Variants in UBR1 observed in about 807,000 individuals in gnomAD.
UBR1 encodes the protein ubiquitin protein ligase E3 component n-recognin 1.
UBR1 carries 102 observed loss-of-function variants against 242.1 expected under a neutral mutation model. That is an observed-to-expected ratio of 0.42 (90% CI 0.36 to 0.50). UBR1 has a LOEUF of 0.50. UBR1 is among the 20% of genes least tolerant of loss of function. UBR1 has a pLI of 0.01. For synonymous variants in UBR1, 675 were observed against 684.8 expected (o/e 0.99, Z 0.22); for missense variants, 1,772 against 2,101.8 (o/e 0.84, Z 3.07).
At chr15:43,009,255 C>T (rs1461568769) in intron 29 of UBR1, among the ~76,000 whole-genome samples, 1 of 152,254 alleles carries the variant, frequency 6.6e-6, no homozygotes, top group African/African-American at 2.4e-5. Context: ...CCACCATATT[C>T]CCCTTGTCCA....
intron 30 of UBR1, among the ~76,000 whole-genome samples, 193 bp downstream of exon 30, chr15:43,006,886 A>C (rs1244748741): frequency 6.6e-6 from 1 of 152,246 alleles, no homozygotes; most frequent in Non-Finnish European, 1.5e-5. Context: ...AATTGAAGAC[A>C]TTTTGAGAAC....
At chr15:43,013,280 A>G (rs1342832517) in intron 29 of UBR1, among the ~76,000 whole-genome samples, 1 of 152,188 alleles carries the variant, frequency 6.6e-6, no homozygotes, top group African/African-American at 2.4e-5. Flanking sequence ...TCAATATTTT[A>G]AATTTCTTGG....
At chr15:42,982,015 C>T (rs2032386494) in intron 37 of UBR1, among the ~76,000 whole-genome samples, 1 of 152,186 alleles carries the variant, frequency 6.6e-6, no homozygotes, top group African/African-American at 2.4e-5. Flanking sequence ...TTAGTCTCTA[C>T]CATCTGTGAT....
At chr15:43,035,593 T>C (rs1012610107) in intron 19 of UBR1, among the ~76,000 whole-genome samples, 4 of 150,074 alleles carry the variant, frequency 2.7e-5, no homozygotes, top group African/African-American at 4.9e-5. Flanking sequence ...TTCACTCTGA[T>C]GGTAGTTTCT....
intron 23 of UBR1, chr15:43,025,795 C>T (rs1427824760): frequency 9.6e-6 from 2 of 209,248 alleles, no homozygotes; most frequent in Non-Finnish European, 1.9e-5. Context: ...GACAAAAAGA[C>T]GTATGTGCCT....
Position 43,105,963 on chromosome 15 carries a change from C to G in UBR1, c.60G>C (p.Gln20His). 1 of 1,614,026 alleles carries G rather than the reference C, an allele frequency of 6.2e-7. No individual in the cohort carries two copies. Among genetic ancestry groups the G allele is most frequent in the South Asian group, 1.1e-5 (1 of 91,080 alleles). The change falls in exon 1 of 47, where the codon CAG (glutamine) becomes CAC (histidine). Residue 20 changes from glutamine to histidine, a missense_variant. This residue lies in a region of UBR1 where 734 missense variants were observed against 893.3 expected (regional missense o/e 0.82). Coordinates refer to ENST00000290650, the MANE Select transcript of UBR1 (RefSeq NM_174916.3). ...TTACAGATGCCAGACGCTGAGGGGT[C>G]TGGGGTAACTCCGCGCTGATTTCCA... ...ERMEISAELP[Q>H]TPQRLASWWD...
At chr15:43,050,619 G>A (rs2033543024) in intron 12 of UBR1, among the ~76,000 whole-genome samples, 1 of 151,754 alleles carries the variant, frequency 6.6e-6, no homozygotes, top group African/African-American at 2.4e-5. Flanking sequence ...AGCTATTCGG[G>A]AGGCTGAGGC....
rs1433407625 is a variant in UBR1, at chr15:43,058,439, A to G, written c.1094-10T>C. ...AGGATCTTACGGGCACCTATAGATT[A>G]TTTTGGGGAGGGTGGGGGAATGAGG... On this transcript the variant is annotated splice_polypyrimidine_tract_variant and intron_variant, in intron 9 of 46. Transcript: ENST00000290650. 1 of 1,604,320 alleles carries G rather than the reference A, an allele frequency of 6.2e-7. No homozygotes were observed. Among genetic ancestry groups the G allele is most frequent in the East Asian group, 2.2e-5 (1 of 44,708 alleles).
intron 12 of UBR1, among the ~76,000 whole-genome samples, chr15:43,051,866 T>A (rs1031761047): frequency 6.6e-6 from 1 of 152,086 alleles, no homozygotes; most frequent in African/African-American, 2.4e-5. Context: ...AGGGAGTGAT[T>A]TGGTTTGAGA....
intron 5 of UBR1, 21 bp downstream of exon 5, chr15:43,070,774 C>T: frequency 6.2e-7 from 1 of 1,611,874 alleles, no homozygotes. Context: ...AAAACTTGTT[C>T]CGTTTGACAG....
intron 20 of UBR1, among the ~76,000 whole-genome samples, chr15:43,031,852 C>T (rs899857738): frequency 7.2e-5 from 11 of 152,112 alleles, no homozygotes; most frequent in African/African-American, 2.2e-4. Context: ...GAAACCCCGT[C>T]TCTATTAAAA....
chr15:43,061,572 TAC>T (rs945148431), intron 6 of UBR1, among the ~76,000 whole-genome samples: 1 of 151,864 alleles, frequency 6.6e-6, no homozygotes, highest in Non-Finnish European at 1.5e-5. Flanking sequence ...TATGTATATA[TAC>T]ACACACACAT....
intron 33 of UBR1, among the ~76,000 whole-genome samples, chr15:42,995,651 G>C (rs548395653): frequency 1.3e-5 from 2 of 152,146 alleles, no homozygotes; most frequent in East Asian, 3.9e-4. Flanking sequence ...CTGGGCGACA[G>C]AGCGAGACTC....
intron 4 of UBR1, 82 bp downstream of exon 4, chr15:43,074,897 A>C (rs2033868774): frequency 8.6e-7 from 1 of 1,169,072 alleles, no homozygotes; most frequent in African/African-American, 1.5e-5. Flanking sequence ...TCTAACTGGA[A>C]TCTATACACA....
At chr15:43,088,842 C>CA (rs57879485) in intron 1 of UBR1, among the ~76,000 whole-genome samples, 1,899 of 141,114 alleles carry the variant, frequency 0.013, 25 homozygotes, top group African/African-American at 0.041. Context: ...TTGCAACTAA[C>CA]AAAAAAAAAA....
chr15:43,070,913 GA>G lies in UBR1; in HGVS notation c.540del (p.Pro181ArgfsTer2). The G allele has an allele frequency of 6.2e-7, 1 of 1,613,230 alleles. No homozygotes were observed. Among genetic ancestry groups the G allele is most frequent in the Non-Finnish European group, 8.5e-7 (1 of 1,179,950 alleles). Reference sequence around the variant, plus strand: ...TGGACAATTACCTCTTCATTCAACGGACAGCGTGAATTCTATAAAAAAGCCG... The same window carrying G: ...TGGACAATTACCTCTTCATTCAACGGCAGCGTGAATTCTATAAAAAAGCCG... ...RAGTIKENSRCPLNEEVIVQA... is the reference protein window; with the variant it reads ...RAGTIKENSRXPLNEEVIVQA... On this transcript the variant is annotated frameshift_variant, in exon 5 of 47. Transcript: ENST00000290650. LOFTEE classifies it high-confidence loss of function.
At chr15:42,951,013 G>A (rs571485620) in intron 45 of UBR1, among the ~76,000 whole-genome samples, 1 of 152,284 alleles carries the variant, frequency 6.6e-6, no homozygotes, top group South Asian at 2.1e-4. Flanking sequence ...AAAAATAGGT[G>A]TTTGGGTTTG....
chr15:43,080,817 G>C (rs1188298462), intron 3 of UBR1, among the ~76,000 whole-genome samples: 1 of 152,074 alleles, frequency 6.6e-6, no homozygotes, highest in African/African-American at 2.4e-5. Flanking sequence ...TGGGCATGGT[G>C]GTACACATCT....
chr15:42,967,724 C>T (rs898456655), intron 40 of UBR1, among the ~76,000 whole-genome samples: 10 of 151,366 alleles, frequency 6.6e-5, no homozygotes, highest in African/African-American at 2.2e-4. Context: ...GAGCAAATGG[C>T]GACTCTTTAT....
Sources: allele counts gnomAD v4.1 joint callset (sites outside exome capture counted in the v4.1 genomes callset), GRCh38; gene constraint gnomAD v4.1.1; regional missense constraint gnomAD v4.1.1; transcripts MANE v1.5; gene names NCBI Gene and HGNC (gene_info 2026-07-23, HGNC 2026-07-21).